The following MYCBP2 variants were observed in gnomAD, a reference collection of about 807,000 sequenced individuals.
MYCBP2 encodes MYC binding protein 2.
MYCBP2 carries 120 observed loss-of-function variants against 525.3 expected under a neutral mutation model. That is an observed-to-expected ratio of 0.23 (90% CI 0.20 to 0.27). The LOEUF (loss-of-function observed/expected upper bound fraction) is 0.27, where lower values mean the gene tolerates loss of function less well. Among genes scored for constraint, MYCBP2 ranks in the 10% least tolerant of loss-of-function variants. MYCBP2 has a pLI of 1.00. For missense variants in MYCBP2, 4,149 were observed against 5,657.1 expected (o/e 0.73, Z 8.55); for synonymous variants, 1,894 against 1,955.8 (o/e 0.97, Z 0.83).
intron 27 of MYCBP2, among the ~76,000 whole-genome samples, chr13:77,193,075 G>A (rs943102516): frequency 2.0e-5 from 3 of 152,170 alleles, no homozygotes; most frequent in Non-Finnish European, 4.4e-5. Context: ...GTTGCAGTGA[G>A]TTGAGATCAC....
intron 8 of MYCBP2, among the ~76,000 whole-genome samples, chr13:77,266,861 A>G (rs1181675214): frequency 6.6e-6 from 1 of 151,778 alleles, no homozygotes; most frequent in East Asian, 1.9e-4. Context: ...TGAAATGGAC[A>G]TGAAATGTCA....
intron 1 of MYCBP2, among the ~76,000 whole-genome samples, chr13:77,325,802 C>A (rs1299731871): frequency 6.6e-6 from 1 of 152,166 alleles, no homozygotes; most frequent in African/African-American, 2.4e-5. Context: ...CCAAAAGGCC[C>A]GGTTATCAAA....
At chr13:77,106,825 G>C (rs558419078) in intron 55 of MYCBP2, among the ~76,000 whole-genome samples, 53 of 152,008 alleles carry the variant, frequency 3.5e-4, no homozygotes, top group African/African-American at 1.2e-3. Context: ...ATGGGGGTTT[G>C]GTGTAAACAT....
At chr13:77,077,533 A>C (rs2042521748) in intron 66 of MYCBP2, 146 bp from the exon 67 acceptor site, 1 of 939,790 alleles carries the variant, frequency 1.1e-6, no homozygotes, top group Non-Finnish European at 1.6e-6. Context: ...TGATTTTCTT[A>C]TTTCAACCAG....
chr13:77,285,364 G>C (rs1176552673), intron 3 of MYCBP2, among the ~76,000 whole-genome samples: 1 of 152,108 alleles, frequency 6.6e-6, no homozygotes, highest in Non-Finnish European at 1.5e-5. Flanking sequence ...CCAGCCCTAC[G>C]TCCTAACTCA....
rs1472294109 is a variant in MYCBP2, at chr13:77,174,917, T to TA, written c.5473-429dup. Among the ~76,000 whole-genome samples, 10 of 118,384 alleles carry TA rather than the reference T, an allele frequency of 8.4e-5. 1 individual carries two copies. The highest frequency in any genetic ancestry group is 5.0e-4 in the East Asian group (2 of 4,014). 77.7% of individuals were successfully genotyped at this position (118,384 alleles called of 152,430 possible). On this transcript the variant is annotated intron_variant, in intron 36 of 82. Transcript: ENST00000544440. The stretch of plus-strand genomic sequence containing the variant: ...AGCCATACTATATATATATAATATA[T>TA]ATTATATATATATAATATATATATA...
chr13:77,306,619 C>T (rs2079453658), intron 1 of MYCBP2, among the ~76,000 whole-genome samples: 1 of 152,076 alleles, frequency 6.6e-6, no homozygotes, highest in Non-Finnish European at 1.5e-5. Flanking sequence ...GGCTATAGAC[C>T]CTGCCTCATG....
At chr13:77,050,962 A>G in intron 82 of MYCBP2, 35 bp downstream of exon 82, 2 of 1,558,672 alleles carry the variant, frequency 1.3e-6, no homozygotes, top group Non-Finnish European at 8.7e-7. Flanking sequence ...TGGTATATAG[A>G]TCATAATCGT....
chr13:77,157,357 G>C (rs1345797176), intron 45 of MYCBP2, among the ~76,000 whole-genome samples: 1 of 152,162 alleles, frequency 6.6e-6, no homozygotes, highest in Non-Finnish European at 1.5e-5. Context: ...CCAAGTAGCT[G>C]GGACTACAGG....
chr13:77,103,653 T>C (rs566792909), intron 55 of MYCBP2, among the ~76,000 whole-genome samples: 1 of 152,128 alleles, frequency 6.6e-6, no homozygotes, highest in South Asian at 2.1e-4. Context: ...TAAATAAAGA[T>C]TTACAAGTTT....
chr13:77,271,500 G>A (rs1291883233), intron 5 of MYCBP2, among the ~76,000 whole-genome samples: 2 of 152,074 alleles, frequency 1.3e-5, no homozygotes, highest in Non-Finnish European at 2.9e-5. Flanking sequence ...TGGTTTGGTT[G>A]TGTTCCCACT....
At chr13:77,195,951 A>G (rs1261951292) in intron 26 of MYCBP2, among the ~76,000 whole-genome samples, 2 of 152,256 alleles carry the variant, frequency 1.3e-5, no homozygotes, top group Non-Finnish European at 2.9e-5. Flanking sequence ...ATATTTTTGA[A>G]CACATACTGT....
intron 21 of MYCBP2, among the ~76,000 whole-genome samples, chr13:77,214,171 ACC>A (rs2064451988): frequency 6.6e-6 from 1 of 152,250 alleles, no homozygotes; most frequent in South Asian, 2.1e-4. Context: ...AATTAAAGGT[ACC>A]ACAACACATT....
intron 1 of MYCBP2, among the ~76,000 whole-genome samples, chr13:77,319,110 G>A (rs112077311): frequency 3.3e-5 from 5 of 151,084 alleles, no homozygotes; most frequent in Non-Finnish European, 7.4e-5. Flanking sequence ...GTTTGGGAAC[G>A]TGTGTGTGTG....
intron 52 of MYCBP2, among the ~76,000 whole-genome samples, chr13:77,131,265 G>A (rs1327610656): frequency 1.3e-5 from 2 of 152,054 alleles, no homozygotes; most frequent in Admixed American, 6.6e-5. Context: ...GCCTATACTC[G>A]TAGCTATTCA....
At chr13:77,130,468 C>T (rs548505435) in intron 52 of MYCBP2, among the ~76,000 whole-genome samples, 8 of 151,858 alleles carry the variant, frequency 5.3e-5, no homozygotes, top group African/African-American at 1.9e-4. Flanking sequence ...CACCCATCTA[C>T]ATAAATATAT....
At chr13:77,121,873 A>G (rs1049570492) in intron 54 of MYCBP2, among the ~76,000 whole-genome samples, 2 of 152,204 alleles carry the variant, frequency 1.3e-5, no homozygotes, top group Non-Finnish European at 2.9e-5. Context: ...AACCAGAAAT[A>G]AAAGTATTTT....
chr13:77,146,241 A>T, intron 47 of MYCBP2, 24 bp from the exon 48 acceptor site: 1 of 1,513,502 alleles, frequency 6.6e-7, no homozygotes, highest in Non-Finnish European at 9.0e-7. Context: ...ACCAGTCTGA[A>T]CAATCGTAAA....
At chr13:77,057,239 C>T in intron 78 of MYCBP2, 146 bp from the exon 79 acceptor site, 2 of 579,770 alleles carry the variant, frequency 3.4e-6, no homozygotes, top group South Asian at 2.5e-5. Context: ...CATTGGGACA[C>T]TGAAATTGGG....
Sources: gnomAD v4.1 joint callset for allele counts (sites outside exome capture counted in the v4.1 genomes callset) on GRCh38, gnomAD v4.1.1 for gene constraint, MANE v1.5 for transcripts, NCBI Gene and HGNC (gene_info 2026-07-23, HGNC 2026-07-21) for gene names.